Variants in EIF5B observed in about 807,000 individuals in gnomAD.
EIF5B encodes the protein eukaryotic translation initiation factor 5B, also known as eIF-5B.
EIF5B carries 47 observed loss-of-function variants against 147.5 expected under a neutral mutation model. The observed-to-expected ratio is 0.32, with a 90% CI of 0.25 to 0.41. The LOEUF is 0.41. Among genes scored for constraint, EIF5B ranks in the 10% least tolerant of loss-of-function variants. EIF5B has a pLI of 1.00. For synonymous variants in EIF5B, 455 were observed against 456.2 expected, an observed-to-expected ratio of 1.00 and a Z score of 0.03; for missense variants, 1,064 against 1,413.2, an observed-to-expected ratio of 0.75 and a Z score of 3.96.
Position 99,361,620 on chromosome 2 carries a change from G to T in EIF5B, c.719G>T (p.Arg240Ile), listed in dbSNP as rs946822071. ...AAGGCAGAAAAGAAGGAGCGCGAGA[G>T]AAAAAAGCGAGATGAAGAAAAAGCG... The part of the protein sequence containing the change: ...QKKAEKKERE[R>I]KKRDEEKAKL... The change falls in exon 4 of 24, where the codon AGA becomes ATA. Residue 240 changes from arginine to isoleucine, a missense_variant. By Grantham distance (97) the Arg-to-Ile change is moderately conservative. Around this residue, in one of 4 missense-constraint regions of EIF5B, gnomAD observed 458 missense variants for 451.3 expected, o/e 1.01. Transcript: ENST00000289371. The T allele has an allele frequency of 6.3e-7, 1 of 1,589,284 alleles. No homozygotes were observed. Among genetic ancestry groups the T allele is most frequent in the Non-Finnish European group, 8.5e-7 (1 of 1,173,312 alleles).
chr2:99,375,459 C>CATGA (rs2104214563), intron 9 of EIF5B, among the ~76,000 whole-genome samples: 1 of 152,172 alleles, frequency 6.6e-6, no homozygotes, highest in Non-Finnish European at 1.5e-5. Flanking sequence ...GGGTACAGCT[C>CATGA]TTCATGATTG....
chr2:99,393,660 T>C (rs1674983666), intron 18 of EIF5B, among the ~76,000 whole-genome samples: 1 of 152,208 alleles, frequency 6.6e-6, no homozygotes, highest in African/African-American at 2.4e-5. Flanking sequence ...GTTTATTATT[T>C]AGGCAGCATC....
At chr2:99,382,704 A>G in intron 13 of EIF5B, 76 bp from the exon 14 acceptor site, 2 of 1,395,714 alleles carry the variant, frequency 1.4e-6, no homozygotes, top group Admixed American at 2.7e-5. Context: ...TGGGTTTTAC[A>G]GAGAAGTTTA....
chr2:99,338,937 T>TATATATATATATATATATATATAC lies in EIF5B; in HGVS notation c.35+1349_35+1350insTATATATATATATATATATATACA, dbSNP rs1491555384. On this transcript the variant is annotated intron_variant, in intron 1 of 23. Coordinates refer to ENST00000289371, the MANE Select transcript of EIF5B (RefSeq NM_015904.4). ...AGAAGTGTGTGTATATATATATATATACAAATATATATACACACATATATA... is the reference window on the plus strand; with the variant it reads ...AGAAGTGTGTGTATATATATATATATATATATATATATATATATATATACACAAATATATATACACACATATATA... Among the ~76,000 whole-genome samples the TATATATATATATATATATATATAC allele has an allele frequency of 1.2e-3, 158 of 134,624 alleles. 1 individual carries two copies. Among genetic ancestry groups the TATATATATATATATATATATATAC allele is most frequent in the Non-Finnish European group, 2.1e-3 (133 of 62,910 alleles). 88.3% of individuals were successfully genotyped at this position (134,624 alleles called of 152,430 possible).
At chr2:99,395,212 C>T (rs11123785) in intron 21 of EIF5B, among the ~76,000 whole-genome samples, 22,435 of 152,132 alleles carry the variant, frequency 0.15, 1,814 homozygotes, top group East Asian at 0.26. Context: ...TGAGGAAAAC[C>T]GGGAAATAAG....
At chr2:99,395,199 G>C (rs1675016758) in intron 21 of EIF5B, among the ~76,000 whole-genome samples, 1 of 152,218 alleles carries the variant, frequency 6.6e-6, no homozygotes, top group Admixed American at 6.5e-5. Context: ...AACAAAACTT[G>C]AGTGAGGAAA....
chr2:99,346,589 C>CTTTT lies in EIF5B; in HGVS notation c.35+9024_35+9027dup, dbSNP rs773411395. Among the ~76,000 whole-genome samples, 139 of 61,672 alleles carry CTTTT rather than the reference C, an allele frequency of 2.3e-3. 19 individuals are homozygous for CTTTT. Among genetic ancestry groups the CTTTT allele is most frequent in the African/African-American group, 6.1e-3 (89 of 14,574 alleles). 40.5% of individuals were successfully genotyped at this position (61,672 alleles called of 152,430 possible). Reference sequence around the variant, plus strand: ...TTATTTTAGAACATAAGTTGTATCTCTTTTTTTTTTTTTTTTTTTTTTTTT... The same window carrying CTTTT: ...TTATTTTAGAACATAAGTTGTATCTCTTTTTTTTTTTTTTTTTTTTTTTTTTTTT... On this transcript the variant is annotated intron_variant, in intron 1 of 23. Coordinates refer to ENST00000289371, the MANE Select transcript of EIF5B (RefSeq NM_015904.4).
In EIF5B at chr2:99,337,502, G is replaced by A; in HGVS notation, c.-53G>A. 1 of 1,597,714 alleles carries A rather than the reference G, an allele frequency of 6.3e-7. No homozygotes were observed. On this transcript the variant is annotated 5_prime_UTR_variant, in exon 1 of 24. Coordinates refer to ENST00000289371, the MANE Select transcript of EIF5B (RefSeq NM_015904.4). ...ACCAAAGTCAGCCGGGAGACAGTGG[G>A]TCTGTGAGAGACCGAATAGAGGGGC...
rs891434684 is a variant in EIF5B at position 99,400,109 on chromosome 2, C to G, written c.*695C>G. ...GCTTCCATGTTAGTGTAGCTTCTCTCCCACAAGTTGTCCTCCTAGGACAAG... is the reference window on the plus strand; with the variant it reads ...GCTTCCATGTTAGTGTAGCTTCTCTGCCACAAGTTGTCCTCCTAGGACAAG... On this transcript the variant is annotated 3_prime_UTR_variant, in exon 24 of 24. Coordinates refer to ENST00000289371, the MANE Select transcript of EIF5B (RefSeq NM_015904.4). The G allele has an allele frequency of 6.6e-6, 1 of 152,234 alleles. No individual in the cohort carries two copies. The highest frequency in any genetic ancestry group is 1.5e-5 in the Non-Finnish European group (1 of 68,048). The allele number at this position is 152,234 out of a possible 1,614,324, so 9.4% of individuals were successfully genotyped here.
chr2:99,393,291 T>A (rs147289923), intron 18 of EIF5B, among the ~76,000 whole-genome samples, 193 bp downstream of exon 18: 74 of 152,244 alleles, frequency 4.9e-4, no homozygotes, highest in African/African-American at 1.3e-3. Context: ...ATAATTTTTA[T>A]ATGTACTAGA....
intron 6 of EIF5B, among the ~76,000 whole-genome samples, chr2:99,367,441 T>TC (rs1269115111): frequency 2.6e-5 from 4 of 151,134 alleles, no homozygotes; most frequent in East Asian, 3.9e-4. Context: ...CTTTTTTTTT[T>TC]TTTCTCTCTT....
chr2:99,363,984 A>G (rs1055903822), intron 5 of EIF5B, 122 bp downstream of exon 5: 41 of 1,105,970 alleles, frequency 3.7e-5, no homozygotes, highest in Admixed American at 2.1e-4. Context: ...CAGTTATATT[A>G]TTGTTCCGAT....
intron 12 of EIF5B, among the ~76,000 whole-genome samples, chr2:99,381,161 TCATC>T (rs1674679333): frequency 6.6e-6 from 1 of 152,200 alleles, no homozygotes; most frequent in Non-Finnish European, 1.5e-5. Flanking sequence ...TAATTTATTT[TCATC>T]CTATTTTAAA....
intron 23 of EIF5B, 192 bp from the exon 24 acceptor site, chr2:99,399,115 C>A: frequency 1.3e-6 from 1 of 779,178 alleles, no homozygotes; most frequent in Non-Finnish European, 2.0e-6. Context: ...AAAGCTAGGA[C>A]TTTTAGGTCC....
chr2:99,339,441 C>T (rs908926568), intron 1 of EIF5B, among the ~76,000 whole-genome samples: 3 of 151,852 alleles, frequency 2.0e-5, no homozygotes, highest in African/African-American at 7.3e-5. Context: ...TGCTGATTTC[C>T]CTGATTGTCT....
intron 14 of EIF5B, among the ~76,000 whole-genome samples, chr2:99,385,287 T>G (rs1674777963): frequency 6.6e-6 from 1 of 152,328 alleles, no homozygotes. Flanking sequence ...TCAGGTGATC[T>G]GCCTGCCTCG....
chr2:99,342,926 G>A (rs913954519), intron 1 of EIF5B, among the ~76,000 whole-genome samples: 4 of 151,712 alleles, frequency 2.6e-5, no homozygotes, highest in Admixed American at 2.6e-4. Context: ...GAGCCACTGT[G>A]CCTGGCCTGG....
Position 99,337,789 on chromosome 2 carries a change from C to G in EIF5B, c.35+200C>G, listed in dbSNP as rs551181944. Reference sequence around the variant, plus strand: ...AGGGCCTCGACGGCGGGCGGGTCCTCCCAGTCGAGCCTCGCTCCCCCGGCA... The same window carrying G: ...AGGGCCTCGACGGCGGGCGGGTCCTGCCAGTCGAGCCTCGCTCCCCCGGCA... On this transcript the variant is annotated intron_variant, in intron 1 of 23. Coordinates refer to ENST00000289371, the MANE Select transcript of EIF5B (RefSeq NM_015904.4). Among the ~76,000 whole-genome samples, 93 of 149,128 alleles carry G rather than the reference C, an allele frequency of 6.2e-4. 2 individuals are homozygous for G. The East Asian group carries it at 0.018, about 29-fold the overall frequency.
At chr2:99,375,491 C>A (rs1347891351) in intron 9 of EIF5B, among the ~76,000 whole-genome samples, 1 of 152,168 alleles carries the variant, frequency 6.6e-6, no homozygotes, top group Non-Finnish European at 1.5e-5. Context: ...AAGGGTGTAA[C>A]CCAATGTCTG....
Sources: gnomAD v4.1 joint callset for allele counts (sites outside exome capture counted in the v4.1 genomes callset) on GRCh38, gnomAD v4.1.1 for gene constraint, gnomAD v4.1.1 regional missense constraint, MANE v1.5 for transcripts, NCBI Gene and HGNC (gene_info 2026-07-23, HGNC 2026-07-21) for gene names.